The following ERC1 variants were observed in gnomAD, a reference collection of about 807,000 sequenced individuals.
ERC1 encodes ELKS/RAB6-interacting/CAST family member 1, also known as RAB6 interacting protein 2.
In ERC1, 56 loss-of-function variants were observed where a neutral mutation model predicts 132.0. That is an observed-to-expected ratio of 0.42 (90% confidence interval 0.34 to 0.53). The LOEUF (loss-of-function observed/expected upper bound fraction) is 0.53. Among genes scored for constraint, ERC1 ranks in the 20% least tolerant of loss-of-function variants. The probability of loss-of-function intolerance (pLI) is 0.03; values close to 1 mark genes in which losing one functional copy is unlikely to be tolerated. For missense variants in ERC1, 1,202 were observed against 1,349.9 expected (o/e 0.89, Z 1.72); for synonymous variants, 478 against 476.1 (o/e 1.00, Z -0.05).
At chr12:1,278,456 A>T (rs2078435699) in intron 14 of ERC1, among the ~76,000 whole-genome samples, 1 of 152,170 alleles carries the variant, frequency 6.6e-6, no homozygotes, top group African/African-American at 2.4e-5. Context: ...AAAAGAGTTG[A>T]AATTTCATAG....
intron 8 of ERC1, chr12:1,153,120 G>A (rs1210514322): frequency 2.6e-5 from 4 of 152,244 alleles, no homozygotes; most frequent in South Asian, 2.1e-4. Flanking sequence ...TCTGTAAAAG[G>A]TCATCTTTCC....
intron 13 of ERC1, among the ~76,000 whole-genome samples, chr12:1,256,605 C>T (rs117157643): frequency 0.011 from 1,609 of 150,358 alleles, 46 homozygotes; most frequent in Non-Finnish European, 0.015. Context: ...TTTATGAATA[C>T]GTTGGATTAC....
intron 15 of ERC1, among the ~76,000 whole-genome samples, chr12:1,323,087 G>T (rs2082218562): frequency 6.6e-6 from 1 of 152,064 alleles, no homozygotes; most frequent in African/African-American, 2.4e-5. Flanking sequence ...TCTTATAAAA[G>T]AGGGCTCAAA....
At chr12:1,173,340 C>T (rs781450972) in intron 8 of ERC1, among the ~76,000 whole-genome samples, 3 of 152,124 alleles carry the variant, frequency 2.0e-5, no homozygotes, top group Non-Finnish European at 2.9e-5. Context: ...GTGTTGGCTG[C>T]TTCTGTAATC....
chr12:1,276,242 T>C lies in ERC1; in HGVS notation c.2619+13077T>C, dbSNP rs2078255925. On this transcript the variant is annotated intron_variant, in intron 14 of 18. Transcript: ENST00000360905. ...GTTTTTGTTTTTCTTTTTCTTTTTC[T>C]TTTTTTTTTTTTGAGATGGAGTCTC... is the stretch of plus-strand genomic sequence containing the variant. Among the ~76,000 whole-genome samples, 13 of 111,974 alleles carry C rather than the reference T, an allele frequency of 1.2e-4. No homozygotes were observed. In the South Asian group the frequency reaches 3.3e-3, roughly 28 times the overall value. The allele number at this position is 111,974 out of a possible 152,430, so 73.5% of individuals were successfully genotyped here. A position where few individuals can be genotyped will look rare whatever the true frequency, so the allele number is the denominator to read the frequency against.
At chr12:1,059,480 G>A (rs1973614764) in intron 2 of ERC1, among the ~76,000 whole-genome samples, 1 of 152,236 alleles carries the variant, frequency 6.6e-6, no homozygotes, top group East Asian at 1.9e-4. Flanking sequence ...TTTGTCATAT[G>A]TGGCCTTGAT....
intron 8 of ERC1, among the ~76,000 whole-genome samples, chr12:1,178,510 T>G (rs188014302): frequency 6.6e-6 from 1 of 152,158 alleles, no homozygotes; most frequent in African/African-American, 2.4e-5. Context: ...AATGGAGATA[T>G]GTGATCAATA....
chr12:1,416,317 G>A (rs910038319), intron 17 of ERC1, among the ~76,000 whole-genome samples: 4 of 152,212 alleles, frequency 2.6e-5, no homozygotes, highest in Non-Finnish European at 5.9e-5. Context: ...GGTCTTGGAG[G>A]TTGAGTAAAG....
chr12:1,291,778 T>C (rs2154340760), intron 15 of ERC1, among the ~76,000 whole-genome samples: 1 of 152,324 alleles, frequency 6.6e-6, no homozygotes, highest in South Asian at 2.1e-4. Flanking sequence ...TACAGATAAA[T>C]GGTGACCGTA....
chr12:1,170,278 C>G (rs543814074), intron 8 of ERC1, among the ~76,000 whole-genome samples: 16 of 152,094 alleles, frequency 1.1e-4, no homozygotes, highest in Middle Eastern at 3.4e-3. Flanking sequence ...ATTTGGCTAG[C>G]CTTTTATTGT....
intron 13 of ERC1, among the ~76,000 whole-genome samples, chr12:1,240,831 A>AAT (rs2075741840): frequency 6.6e-6 from 1 of 152,030 alleles, no homozygotes; most frequent in Admixed American, 6.6e-5. Context: ...TTGTAATACT[A>AAT]ATATATATAC....
At chr12:1,270,543 A>G (rs1239809391) in intron 14 of ERC1, among the ~76,000 whole-genome samples, 2 of 152,122 alleles carry the variant, frequency 1.3e-5, no homozygotes, top group Non-Finnish European at 2.9e-5. Flanking sequence ...TAATATTAAC[A>G]AGGGGTATCT....
In ERC1 at chr12:1,492,405, TGGAACCAA is replaced by T; in HGVS notation, c.*2177_*2184del. 1 of 233,222 alleles carries T rather than the reference TGGAACCAA, an allele frequency of 4.3e-6. No homozygotes were observed. The highest frequency in any genetic ancestry group is 6.0e-5 in the East Asian group (1 of 16,586). The allele number at this position is 233,222 out of a possible 1,614,324, so 14.4% of individuals were successfully genotyped here. A position where few individuals can be genotyped will look rare whatever the true frequency, so the allele number is the denominator to read the frequency against. The stretch of plus-strand genomic sequence containing the variant: ...GATAACAGCCTTCACGGGGCCACGG[TGGAACCAA>T]GACAGCAGGCGAGGCCATGCCTAAA... On this transcript the variant is annotated 3_prime_UTR_variant, in exon 19 of 19. Coordinates refer to ENST00000360905, the MANE Select transcript of ERC1 (RefSeq NM_178040.4).
At chr12:1,098,265 G>A (rs1944283869) in intron 3 of ERC1, among the ~76,000 whole-genome samples, 1 of 152,188 alleles carries the variant, frequency 6.6e-6, no homozygotes, top group Non-Finnish European at 1.5e-5. Context: ...ATGACAGGAA[G>A]GCCCATCTCA....
intron 18 of ERC1, among the ~76,000 whole-genome samples, chr12:1,451,432 G>A (rs1225534774): frequency 6.6e-6 from 1 of 151,900 alleles, no homozygotes; most frequent in Admixed American, 6.5e-5. Flanking sequence ...GGACAACGGT[G>A]AAGCCCTTAT....
intron 12 of ERC1, among the ~76,000 whole-genome samples, chr12:1,213,142 G>A (rs1226931657): frequency 1.3e-5 from 2 of 151,938 alleles, no homozygotes; most frequent in Non-Finnish European, 2.9e-5. Context: ...CTGACCTACC[G>A]GTATTTTTTT....
chr12:1,408,631 G>C (rs1159855833), intron 17 of ERC1, among the ~76,000 whole-genome samples: 1 of 152,196 alleles, frequency 6.6e-6, no homozygotes, highest in Non-Finnish European at 1.5e-5. Context: ...TACAAGCCTA[G>C]TGAGGCACAG....
chr12:1,007,538 C>CTGTG (rs1255758100), intron 1 of ERC1, among the ~76,000 whole-genome samples: 45 of 53,306 alleles, frequency 8.4e-4, no homozygotes, highest in African/African-American at 2.9e-3. Flanking sequence ...CTCTCTCTCT[C>CTGTG]TCTGTGTGTG....
At chr12:1,004,624 C>T (rs1323588013) in intron 1 of ERC1, among the ~76,000 whole-genome samples, 2 of 151,884 alleles carry the variant, frequency 1.3e-5, no homozygotes, top group African/African-American at 2.4e-5. Flanking sequence ...CCAGGCTGGT[C>T]TCAAACTCCT....
Sources: gnomAD v4.1 joint callset for allele counts (sites outside exome capture counted in the v4.1 genomes callset) on GRCh38, gnomAD v4.1.1 for gene constraint, MANE v1.5 for transcripts, NCBI Gene and HGNC (gene_info 2026-07-23, HGNC 2026-07-21) for gene names.